Variants in PCDHA2 observed in about 807,000 individuals in gnomAD.
PCDHA2 encodes protocadherin alpha 2.
In PCDHA2, 58 loss-of-function variants were observed where a neutral mutation model predicts 66.0. That is an observed-to-expected ratio of 0.88 (90% CI 0.71 to 1.09). PCDHA2 has a LOEUF of 1.09. Ranked by LOEUF, PCDHA2 falls within the 50% of genes least tolerant of loss-of-function variation. PCDHA2 has a pLI of 0.00. For missense variants in PCDHA2, 1,267 were observed against 1,242.3 expected (o/e 1.02, Z -0.30); for synonymous variants, 634 against 554.0 (o/e 1.14, Z -2.03).
chr5:140,900,717 A>G (rs2068252980), intron 1 of PCDHA2, among the ~76,000 whole-genome samples: 1 of 152,136 alleles, frequency 6.6e-6, no homozygotes, highest in South Asian at 2.1e-4. Flanking sequence ...AAGAAAGGAA[A>G]TCCTACCTAG....
chr5:140,987,213 C>CA (rs58319157), intron 3 of PCDHA2, among the ~76,000 whole-genome samples: 3,048 of 118,770 alleles, frequency 0.026, 41 homozygotes, highest in Middle Eastern at 0.12. Flanking sequence ...GACTCCATCT[C>CA]AAAAAAAAAA....
At chr5:140,858,419 G>C (rs2045401110) in intron 1 of PCDHA2, 1 of 1,559,254 alleles carries the variant, frequency 6.4e-7, no homozygotes. Flanking sequence ...GTCTATTGGA[G>C]GGGACCACTC....
chr5:140,822,098 T>A (rs2150113663), intron 1 of PCDHA2: 1 of 1,614,214 alleles, frequency 6.2e-7, no homozygotes, highest in East Asian at 2.2e-5. Context: ...CTGGAGGTGA[T>A]CGTGGACAGG....
At position 140,848,645 on chromosome 5, in the gene PCDHA2, G is replaced by T; in HGVS notation, c.2388+51293G>T. 1.9e-6 allele frequency: 3 copies of T among 1,593,204 alleles called. 1 individual carries two copies. The highest frequency in any genetic ancestry group is 2.6e-6 in the Non-Finnish European group (3 of 1,163,878). Reference sequence around the variant, plus strand: ...GCACCTTCGTGGGCCGCATCGCGCAGGACCTGGGGCTGGAGCTGGCGGAGC... The same window carrying T: ...GCACCTTCGTGGGCCGCATCGCGCATGACCTGGGGCTGGAGCTGGCGGAGC... On this transcript the variant is annotated intron_variant, in intron 1 of 3. Coordinates refer to ENST00000526136, the MANE Select transcript of PCDHA2 (RefSeq NM_018905.3).
intron 3 of PCDHA2, among the ~76,000 whole-genome samples, chr5:140,987,711 T>C (rs2097265419): frequency 6.6e-6 from 1 of 152,208 alleles, no homozygotes; most frequent in South Asian, 2.1e-4. Flanking sequence ...TTTCCAGGTA[T>C]GAGTCTATCC....
intron 1 of PCDHA2, among the ~76,000 whole-genome samples, chr5:140,931,344 A>G (rs1233861770): frequency 6.6e-6 from 1 of 151,910 alleles, no homozygotes; most frequent in East Asian, 1.9e-4. Flanking sequence ...GGAGTGAGGA[A>G]TTTTTTTTAG....
chr5:140,817,546 C>T (rs1334430730), intron 1 of PCDHA2: 1 of 152,194 alleles, frequency 6.6e-6, no homozygotes, highest in East Asian at 1.9e-4. Context: ...TTATAACACA[C>T]ATCCTTGACT....
intron 1 of PCDHA2, among the ~76,000 whole-genome samples, chr5:140,837,617 C>A (rs1249058339): frequency 6.8e-6 from 1 of 146,230 alleles, no homozygotes; most frequent in Non-Finnish European, 1.5e-5. Flanking sequence ...TAATTTGCCC[C>A]TTCCTTCCTT....
At chr5:140,843,120 A>T (rs782103518) in intron 1 of PCDHA2, 2 of 1,595,472 alleles carry the variant, frequency 1.3e-6, no homozygotes, top group African/African-American at 2.7e-5. Flanking sequence ...GTGGACGCCG[A>T]CTCGGGCTAC....
intron 1 of PCDHA2, chr5:140,883,594 G>T: frequency 1.9e-6 from 3 of 1,614,032 alleles, no homozygotes; most frequent in Non-Finnish European, 2.5e-6. Context: ...CCAGCGTGTC[G>T]GTGGGGGTGG....
chr5:140,930,196 T>C (rs1554207641), intron 1 of PCDHA2: 1 of 152,226 alleles, frequency 6.6e-6, no homozygotes, highest in South Asian at 2.1e-4. Flanking sequence ...AATTTTTATG[T>C]CAGAAATATT....
chr5:140,983,523 T>G (rs1186391173), intron 3 of PCDHA2, among the ~76,000 whole-genome samples: 1 of 152,224 alleles, frequency 6.6e-6, no homozygotes, highest in East Asian at 1.9e-4. Flanking sequence ...CTGTGCCAAG[T>G]ACATTGTATG....
intron 1 of PCDHA2, chr5:140,862,315 C>G (rs1554156143): frequency 3.2e-6 from 1 of 317,246 alleles, no homozygotes; most frequent in African/African-American, 2.2e-5. Context: ...CCGTCATAGC[C>G]CTAATCAGTG....
intron 1 of PCDHA2, chr5:140,809,610 G>A (rs1183519714): frequency 1.3e-6 from 2 of 1,519,732 alleles, no homozygotes; most frequent in African/African-American, 1.4e-5. Context: ...TTTTCGTATT[G>A]TTTTTCTCTA....
chr5:140,841,299 C>G (rs2150312843), intron 1 of PCDHA2: 11 of 1,365,702 alleles, frequency 8.1e-6, no homozygotes, highest in East Asian at 5.9e-5. Flanking sequence ...ATAATATTTT[C>G]TGATAGGAAA....
At chr5:140,810,218 C>T (rs1352076504) in intron 1 of PCDHA2, 3 of 152,150 alleles carry the variant, frequency 2.0e-5, no homozygotes, top group African/African-American at 7.2e-5. Context: ...CATAAATATA[C>T]TATACCTTAT....
intron 1 of PCDHA2, chr5:140,835,748 C>T (rs2150243952): frequency 2.5e-6 from 4 of 1,613,326 alleles, no homozygotes; most frequent in African/African-American, 1.3e-5. Context: ...CCCCGGCGTT[C>T]GCGCAGCCCG....
chr5:140,998,805 C>T (rs1226450562), intron 3 of PCDHA2, among the ~76,000 whole-genome samples: 1 of 152,204 alleles, frequency 6.6e-6, no homozygotes, highest in Admixed American at 6.5e-5. Flanking sequence ...CTCAGGTGAT[C>T]TGCCTGCCTT....
intron 1 of PCDHA2, chr5:140,851,778 A>G: frequency 3.1e-6 from 3 of 964,858 alleles, no homozygotes; most frequent in Non-Finnish European, 3.8e-6. Context: ...ATGAATTTAG[A>G]TGAGAATTCA....
Sources: gnomAD v4.1 joint callset for allele counts (sites outside exome capture counted in the v4.1 genomes callset) on GRCh38, gnomAD v4.1.1 for gene constraint, MANE v1.5 for transcripts, NCBI Gene and HGNC (gene_info 2026-07-23, HGNC 2026-07-21) for gene names.